Variants in MECOM observed in about 807,000 individuals in gnomAD.
MECOM encodes histone-lysine N-methyltransferase MECOM.
In MECOM, 13 loss-of-function variants were observed where a neutral mutation model predicts 116.3. That is an observed-to-expected ratio of 0.11 (90% confidence interval 0.07 to 0.18). The LOEUF is 0.18. Ranked by LOEUF, MECOM falls within the 10% of genes least tolerant of loss-of-function variation. The pLI is 1.00. For missense variants in MECOM, 1,299 were observed against 1,509.0 expected (o/e 0.86, Z 2.31); for synonymous variants, 528 against 535.2 (o/e 0.99, Z 0.19).
chr3:169,332,807 T>C (rs763251508), intron 2 of MECOM, among the ~76,000 whole-genome samples: 2 of 152,176 alleles, frequency 1.3e-5, no homozygotes, highest in Non-Finnish European at 2.9e-5. Context: ...ACTTTAATGA[T>C]ATTTTGTCTT....
intron 2 of MECOM, among the ~76,000 whole-genome samples, chr3:169,161,528 T>C (rs1443282649): frequency 6.6e-6 from 1 of 152,180 alleles, no homozygotes; most frequent in Non-Finnish European, 1.5e-5. Context: ...AGACAAACCA[T>C]TCACTCATTT....
Position 169,611,451 on chromosome 3 carries a change from A to G in MECOM, c.37+51885T>C, listed in dbSNP as rs941605606. ...GGGTGCATCAATGTCTGATGAATGA[A>G]TGAATGATGGAATAAACACCAACAT... On this transcript the variant is annotated intron_variant, in intron 1 of 16. Coordinates refer to ENST00000651503, the MANE Select transcript of MECOM (RefSeq NM_004991.4). This position sits in a 1 kb window ranked among gnomAD's most constrained non-coding sequence, Gnocchi z 4.1. 3.3e-5 allele frequency among the ~76,000 whole-genome samples: 5 copies of G among 152,210 alleles called. No individual in the cohort carries two copies. The highest frequency in any genetic ancestry group is 1.2e-4 in the African/African-American group (5 of 41,456).
At chr3:169,436,890 T>G (rs984137443) in intron 1 of MECOM, among the ~76,000 whole-genome samples, 2 of 152,170 alleles carry the variant, frequency 1.3e-5, no homozygotes, top group African/African-American at 4.8e-5. Flanking sequence ...TGAAAATACT[T>G]GAGCTTGAAC....
intron 1 of MECOM, among the ~76,000 whole-genome samples, chr3:169,559,924 G>A (rs935613181): frequency 4.6e-5 from 7 of 152,310 alleles, no homozygotes; most frequent in Admixed American, 3.9e-4. Context: ...TTCAGGACTA[G>A]ATGTATTACA....
chr3:169,417,471 T>A lies in MECOM; in HGVS notation c.38-35947A>T, dbSNP rs374786586. 2.2e-4 allele frequency among the ~76,000 whole-genome samples: 34 copies of A among 151,992 alleles called. No individual in the cohort carries two copies. The East Asian group carries it at 2.9e-3, about 13-fold the overall frequency. On this transcript the variant is annotated intron_variant, in intron 1 of 16. Transcript: ENST00000651503. ...AATCAGGAAACAACAGGTGCTGGAG[T>A]GGATGTGGAGAAATAGGAACACTTT... is the stretch of plus-strand genomic sequence containing the variant.
chr3:169,085,465 C>G (rs145215707), intron 16 of MECOM, among the ~76,000 whole-genome samples: 1 of 152,288 alleles, frequency 6.6e-6, no homozygotes, highest in African/African-American at 2.4e-5. Flanking sequence ...GTAGAGGATA[C>G]AGCCTGACTC....
chr3:169,197,339 T>TAAATAAAATA (rs56353314), intron 2 of MECOM, among the ~76,000 whole-genome samples: 1 of 148,038 alleles, frequency 6.8e-6, no homozygotes, highest in Non-Finnish European at 1.5e-5. Context: ...AATAAATAAA[T>TAAATAAAATA]AAATAAAATA....
chr3:169,256,376 T>C (rs1193658756), intron 2 of MECOM, among the ~76,000 whole-genome samples: 1 of 151,446 alleles, frequency 6.6e-6, no homozygotes, highest in East Asian at 1.9e-4. Context: ...TTAATGGCCC[T>C]GCCCTCTAAA....
At chr3:169,189,797 T>A (rs889365419) in intron 2 of MECOM, among the ~76,000 whole-genome samples, 1 of 152,256 alleles carries the variant, frequency 6.6e-6, no homozygotes, top group East Asian at 1.9e-4. Context: ...GACAGGAATC[T>A]TCTCATTTAT....
At chr3:169,172,145 A>C (rs971878701) in intron 2 of MECOM, among the ~76,000 whole-genome samples, 1 of 151,710 alleles carries the variant, frequency 6.6e-6, no homozygotes, top group Non-Finnish European at 1.5e-5. Context: ...AAAAAAAAAA[A>C]TCTTCCCATG....
chr3:169,298,670 T>G (rs749181894), intron 2 of MECOM, among the ~76,000 whole-genome samples: 2 of 152,164 alleles, frequency 1.3e-5, no homozygotes, highest in Admixed American at 1.3e-4. Context: ...ACAAGAAGAC[T>G]TGGGACATGA....
chr3:169,445,412 T>C (rs934370600), intron 1 of MECOM, among the ~76,000 whole-genome samples: 1 of 152,204 alleles, frequency 6.6e-6, no homozygotes, highest in Non-Finnish European at 1.5e-5. Flanking sequence ...GCCCCAAATC[T>C]TGGCAGCTTC....
chr3:169,484,446 G>T (rs557282022), intron 1 of MECOM, among the ~76,000 whole-genome samples: 1 of 151,630 alleles, frequency 6.6e-6, no homozygotes, highest in African/African-American at 2.4e-5. Flanking sequence ...TTCAGCAAAA[G>T]ATATTTATTT....
intron 2 of MECOM, among the ~76,000 whole-genome samples, chr3:169,285,729 C>A (rs370816042): frequency 6.6e-6 from 1 of 152,080 alleles, no homozygotes; most frequent in African/African-American, 2.4e-5. Context: ...CTGCACAATC[C>A]GTAACAAAGT....
At chr3:169,428,662 C>A (rs1177371277) in intron 1 of MECOM, among the ~76,000 whole-genome samples, 1 of 152,184 alleles carries the variant, frequency 6.6e-6, no homozygotes, top group Non-Finnish European at 1.5e-5. Flanking sequence ...CTCATGAGGT[C>A]ATACACACTC....
intron 1 of MECOM, among the ~76,000 whole-genome samples, chr3:169,489,315 G>A (rs1752793219): frequency 1.3e-5 from 2 of 152,234 alleles, no homozygotes; most frequent in East Asian, 1.9e-4. Flanking sequence ...TAAAGAAATT[G>A]TTCTAGAGAA....
At chr3:169,363,776 A>G (rs1172299278) in intron 2 of MECOM, among the ~76,000 whole-genome samples, 1 of 151,974 alleles carries the variant, frequency 6.6e-6, no homozygotes, top group Non-Finnish European at 1.5e-5. Context: ...CACGCAGTAT[A>G]TAAATAAGAA....
intron 1 of MECOM, among the ~76,000 whole-genome samples, chr3:169,473,242 A>C (rs1247819896): frequency 2.0e-5 from 3 of 152,196 alleles, no homozygotes; most frequent in Non-Finnish European, 4.4e-5. Context: ...TGGTGATCAG[A>C]ATGATCACCC....
At chr3:169,494,788 C>T (rs917612906) in intron 1 of MECOM, among the ~76,000 whole-genome samples, 2 of 152,224 alleles carry the variant, frequency 1.3e-5, no homozygotes, top group Admixed American at 6.5e-5. Context: ...AAACTTCCAA[C>T]TGAGAGTCAC....
Sources: allele counts gnomAD v4.1 joint callset (sites outside exome capture counted in the v4.1 genomes callset), GRCh38; gene constraint gnomAD v4.1.1; non-coding constraint Gnocchi (gnomAD v3.1); transcripts MANE v1.5; gene names NCBI Gene and HGNC (gene_info 2026-07-23, HGNC 2026-07-21).